The following SLC24A2 variants were observed in gnomAD, a reference collection of about 807,000 sequenced individuals.
SLC24A2 encodes sodium/potassium/calcium exchanger 2.
SLC24A2 carries 36 observed loss-of-function variants against 62.0 expected under a neutral mutation model. The observed-to-expected ratio is 0.58, with a 90% CI of 0.44 to 0.77. The LOEUF (loss-of-function observed/expected upper bound fraction) is 0.77. SLC24A2 is among the 30% of genes least tolerant of loss of function. SLC24A2 has a pLI of 0.00. For synonymous variants in SLC24A2, 358 were observed against 294.0 expected, an observed-to-expected ratio of 1.22 and a Z score of -2.23; for missense variants, 846 against 817.9, an observed-to-expected ratio of 1.03 and a Z score of -0.42.
At chr9:20,178,725 C>T in the SLC24A2 span, among the ~76,000 whole-genome samples, 1 of 152,170 alleles carries the variant, frequency 6.6e-6, no homozygotes, top group African/African-American at 2.4e-5. Flanking sequence ...ATTTTTAGTA[C>T]ATGTCTCATA....
chr9:19,950,611 A>G, the SLC24A2 span, among the ~76,000 whole-genome samples: 1 of 152,202 alleles, frequency 6.6e-6, no homozygotes, highest in Non-Finnish European at 1.5e-5. Context: ...AACATTTATT[A>G]AGCATATACT....
the SLC24A2 span, among the ~76,000 whole-genome samples, chr9:20,261,410 G>A: frequency 6.6e-6 from 1 of 152,274 alleles, no homozygotes; most frequent in African/African-American, 2.4e-5. Context: ...GGGAGGATAG[G>A]CCAGCAAGCA....
At chr9:19,546,986 C>A (rs1442947759) in intron 8 of SLC24A2, among the ~76,000 whole-genome samples, 1 of 152,078 alleles carries the variant, frequency 6.6e-6, no homozygotes, top group East Asian at 1.9e-4. Flanking sequence ...CACCCCACAC[C>A]CCACCTTAGC....
the SLC24A2 span, among the ~76,000 whole-genome samples, chr9:19,911,599 C>T: frequency 1.3e-5 from 2 of 152,158 alleles, no homozygotes; most frequent in Non-Finnish European, 2.9e-5. Context: ...CCTTGATCTT[C>T]TTCCATGATT....
chr9:20,062,641 G>A, the SLC24A2 span, among the ~76,000 whole-genome samples: 1 of 139,372 alleles, frequency 7.2e-6, no homozygotes, highest in Non-Finnish European at 1.5e-5. Flanking sequence ...ATTGACAAAT[G>A]GGATCTCATT....
the SLC24A2 span, among the ~76,000 whole-genome samples, chr9:19,963,444 G>A: frequency 6.7e-6 from 1 of 149,800 alleles, no homozygotes; most frequent in Non-Finnish European, 1.5e-5. Context: ...CTACAAAATG[G>A]GAGAAAATTT....
the SLC24A2 span, among the ~76,000 whole-genome samples, chr9:20,204,259 AG>A: frequency 6.6e-6 from 1 of 152,240 alleles, no homozygotes; most frequent in African/African-American, 2.4e-5. Flanking sequence ...AAGAAAAGTC[AG>A]CAAAAGAATC....
the SLC24A2 span, among the ~76,000 whole-genome samples, chr9:20,085,559 C>G: frequency 1.8e-4 from 27 of 152,232 alleles, 1 homozygote; most frequent in African/African-American, 6.0e-4. Flanking sequence ...GCATGCTGTT[C>G]AAAATACTTA....
chr9:20,159,242 T>C, the SLC24A2 span, among the ~76,000 whole-genome samples: 1 of 151,628 alleles, frequency 6.6e-6, no homozygotes, highest in Non-Finnish European at 1.5e-5. Flanking sequence ...GAGCAATGTT[T>C]CTCAACTTTT....
intron 4 of SLC24A2, among the ~76,000 whole-genome samples, chr9:19,608,140 T>C (rs1009589851): frequency 2.0e-5 from 3 of 152,184 alleles, no homozygotes; most frequent in African/African-American, 7.2e-5. Context: ...TGCCTATTCA[T>C]TTACCAGGCG....
rs548757850 is a variant in SLC24A2, at chr9:19,509,216, A to G, written c.*6937T>C. On this transcript the variant is annotated 3_prime_UTR_variant, in exon 11 of 11. Transcript: ENST00000341998. Reference sequence around the variant, plus strand: ...AATCTACAATTTTAAAATAATTTCCATGTAGTATTAGAACTTGCTAAAGAA... The same window carrying G: ...AATCTACAATTTTAAAATAATTTCCGTGTAGTATTAGAACTTGCTAAAGAA... 6.6e-6 allele frequency: 1 copy of G among 152,352 alleles called. No homozygotes were observed. Among genetic ancestry groups the G allele is most frequent in the Admixed American group, 6.5e-5 (1 of 15,304 alleles). 9.4% of individuals were successfully genotyped at this position (152,352 alleles called of 1,614,324 possible).
chr9:19,704,797 A>C (rs958716296), intron 2 of SLC24A2, among the ~76,000 whole-genome samples: 1 of 139,040 alleles, frequency 7.2e-6, no homozygotes, highest in African/African-American at 2.9e-5. Flanking sequence ...TAAAAACCAA[A>C]CTTTTTTTTT....
intron 2 of SLC24A2, among the ~76,000 whole-genome samples, chr9:19,690,584 G>A (rs566582079): frequency 6.6e-6 from 1 of 152,256 alleles, no homozygotes; most frequent in East Asian, 1.9e-4. Context: ...AAGCAAAGTT[G>A]AATGCAGAAG....
At chr9:20,288,793 T>C in the SLC24A2 span, among the ~76,000 whole-genome samples, 1 of 151,082 alleles carries the variant, frequency 6.6e-6, no homozygotes, top group African/African-American at 2.4e-5. Flanking sequence ...CAATGCAACT[T>C]CCCAGGCTAC....
At chr9:19,762,793 C>CTTTTTTT (rs58241037) in intron 2 of SLC24A2, among the ~76,000 whole-genome samples, 2 of 102,392 alleles carry the variant, frequency 2.0e-5, no homozygotes, top group African/African-American at 3.7e-5. Flanking sequence ...GCTATATGTG[C>CTTTTTTT]TTTTTTTTTT....
the SLC24A2 span, among the ~76,000 whole-genome samples, chr9:20,302,742 C>T: frequency 6.6e-6 from 1 of 152,126 alleles, no homozygotes; most frequent in Non-Finnish European, 1.5e-5. Flanking sequence ...TGAAGTCTGG[C>T]TTATCAATTA....
At chr9:19,570,545 T>C (rs146024136) in intron 7 of SLC24A2, among the ~76,000 whole-genome samples, 1 of 152,338 alleles carries the variant, frequency 6.6e-6, no homozygotes, top group African/African-American at 2.4e-5. Flanking sequence ...CCAAATATTA[T>C]ATACATAAAA....
the SLC24A2 span, among the ~76,000 whole-genome samples, chr9:20,210,440 G>C: frequency 6.6e-6 from 1 of 152,016 alleles, no homozygotes; most frequent in Admixed American, 6.6e-5. Flanking sequence ...GAGAAGAAAA[G>C]ATGGACAAAA....
At chr9:20,297,154 A>T in the SLC24A2 span, among the ~76,000 whole-genome samples, 1 of 152,340 alleles carries the variant, frequency 6.6e-6, no homozygotes, top group Admixed American at 6.5e-5. Flanking sequence ...GCAAGGATTC[A>T]AACCCAGGTC....
Sources: allele counts gnomAD v4.1 joint callset (sites outside exome capture counted in the v4.1 genomes callset), GRCh38; gene constraint gnomAD v4.1.1; transcripts MANE v1.5; gene names NCBI Gene and HGNC (gene_info 2026-07-23, HGNC 2026-07-21).